The following ALDH3A1 variants were observed in gnomAD, a reference collection of about 807,000 sequenced individuals.
The protein encoded by ALDH3A1 is aldehyde dehydrogenase 3 family member A1.
A neutral mutation model predicts 49.9 loss-of-function variants in ALDH3A1; 46 were observed. The ratio of observed to expected loss-of-function variants is 0.92; its 90% confidence interval spans 0.73 to 1.18. The LOEUF (loss-of-function observed/expected upper bound fraction) is 1.18. Ranked by LOEUF, ALDH3A1 falls within the 50% of genes most tolerant of loss-of-function variation. ALDH3A1 has a pLI of 0.00. For missense variants in ALDH3A1, 592 were observed against 611.8 expected, an observed-to-expected ratio of 0.97 and a Z score of 0.34; for synonymous variants, 269 against 253.3, an observed-to-expected ratio of 1.06 and a Z score of -0.59.
intron 5 of ALDH3A1, among the ~76,000 whole-genome samples, chr17:19,741,523 C>A (rs567656425): frequency 3.9e-5 from 6 of 152,302 alleles, no homozygotes; most frequent in Non-Finnish European, 8.8e-5. Flanking sequence ...TCTCTGGGGC[C>A]ACAGATGTGG....
chr17:19,740,227 C>T (rs1218364581), intron 7 of ALDH3A1, 109 bp downstream of exon 7: 1 of 1,470,232 alleles, frequency 6.8e-7, no homozygotes, highest in Non-Finnish European at 9.2e-7. Flanking sequence ...AATTTATACC[C>T]ATCCCGAGGT....
At chr17:19,746,528 C>T (rs1005122154) in intron 1 of ALDH3A1, among the ~76,000 whole-genome samples, 1 of 151,530 alleles carries the variant, frequency 6.6e-6, no homozygotes, top group African/African-American at 2.4e-5. Flanking sequence ...CAGCGAGACT[C>T]CATCTAAAAA....
At chr17:19,744,002 A>C in intron 2 of ALDH3A1, 1 of 985,298 alleles carries the variant, frequency 1.0e-6, no homozygotes, top group Non-Finnish European at 1.2e-6. Flanking sequence ...CTCTTTTATA[A>C]ACTTGGGCTG....
At chr17:19,745,952 A>G (rs981930476) in intron 1 of ALDH3A1, among the ~76,000 whole-genome samples, 2 of 152,222 alleles carry the variant, frequency 1.3e-5, no homozygotes, top group Admixed American at 1.3e-4. Flanking sequence ...AAGAAAGGAG[A>G]CAGTTTAAAT....
Position 19,739,727 on chromosome 17 carries a change from G to A in ALDH3A1, c.950-53C>T, listed in dbSNP as rs1169214069. ...ACGGCGCAGAGACCCCCACGCGGAT[G>A]GAAAGTGCAAGCACCTAGACCCCTG... On this transcript the variant is annotated intron_variant, in intron 7 of 10. Coordinates refer to ENST00000225740, the MANE Select transcript of ALDH3A1 (RefSeq NM_000691.5). 1.9e-6 allele frequency: 3 copies of A among 1,591,936 alleles called. No homozygotes were observed. In the African/African-American group the frequency reaches 4.0e-5, roughly 21 times the overall value.
rs1435721592 is a variant in ALDH3A1, at chr17:19,743,599, G to A, written c.163-136C>T. 6.9e-7 allele frequency: 1 copy of A among 1,448,650 alleles called. No homozygotes were observed. Among genetic ancestry groups the A allele is most frequent in the Admixed American group, 2.8e-5 (1 of 35,412 alleles). 89.7% of individuals were successfully genotyped at this position (1,448,650 alleles called of 1,614,324 possible). ...CCCAGGGTGGGGGCAGCCGCAGAAG[G>A]CTCCCAGGGGAAGCAGAGCCAGGAT... is the stretch of plus-strand genomic sequence containing the variant. On this transcript the variant is annotated intron_variant, in intron 2 of 10. Coordinates refer to ENST00000225740, the MANE Select transcript of ALDH3A1 (RefSeq NM_000691.5). This position sits in a 1 kb window ranked among gnomAD's most constrained non-coding sequence, Gnocchi z 4.4.
At position 19,741,991 on chromosome 17, in the gene ALDH3A1, C is replaced by T. The variant is rs755108751; in HGVS notation, c.689+13G>A. ...GTAAGGACTGCTGCAGCCAGCAGGCCCGTGCCTCTCACCGGCAGGCCACGT... is the reference window on the plus strand; with the variant it reads ...GTAAGGACTGCTGCAGCCAGCAGGCTCGTGCCTCTCACCGGCAGGCCACGT... On this transcript the variant is annotated intron_variant, in intron 5 of 10. Coordinates refer to ENST00000225740, the MANE Select transcript of ALDH3A1 (RefSeq NM_000691.5). 12 of 1,613,374 alleles carry T rather than the reference C, an allele frequency of 7.4e-6. No homozygotes were observed. In the South Asian group the frequency reaches 1.1e-4, roughly 15 times the overall value.
rs930882593 is a variant in ALDH3A1 at position 19,743,521 on chromosome 17, G to A, written c.163-58C>T. On this transcript the variant is annotated intron_variant, in intron 2 of 10. Transcript: ENST00000225740. This position sits in a 1 kb window ranked among gnomAD's most constrained non-coding sequence, Gnocchi z 4.4. ...GCCAGGGCCCGCCTGCAGCTGGGGC[G>A]AGTGGGGAGCCCCACTGCTCAGCTG... 1.6e-5 allele frequency: 25 copies of A among 1,534,184 alleles called. No individual in the cohort carries two copies. The highest frequency in any genetic ancestry group is 8.2e-5 in the African/African-American group (6 of 72,792).
At chr17:19,740,028 GC>G in intron 7 of ALDH3A1, 1 of 450,898 alleles carries the variant, frequency 2.2e-6, no homozygotes, top group Non-Finnish European at 3.9e-6. Flanking sequence ...GGCACTGGGG[GC>G]CCCTCACGGC....
In ALDH3A1 at chr17:19,743,044, T is replaced by A. The variant is rs771232956; in HGVS notation, c.394+188A>T. On this transcript the variant is annotated intron_variant, in intron 3 of 10. Coordinates refer to ENST00000225740, the MANE Select transcript of ALDH3A1 (RefSeq NM_000691.5). The surrounding 1 kb of genome is among the most constrained non-coding windows in gnomAD (Gnocchi z 4.4). ...CTCTGTATCACCAGGTGTGGACACC[T>A]GAGCCTGACTGGACCTCAGGCACCA... 2.0e-6 allele frequency: 3 copies of A among 1,532,604 alleles called. No homozygotes were observed. Among genetic ancestry groups the A allele is most frequent in the Non-Finnish European group, 2.6e-6 (3 of 1,145,462 alleles). 94.9% of individuals were successfully genotyped at this position (1,532,604 alleles called of 1,614,324 possible).
rs766845006 is a variant in ALDH3A1, at chr17:19,742,671, C to T, written c.395-41G>A. The T allele has an allele frequency of 3.7e-6, 6 of 1,613,318 alleles. No individual in the cohort carries two copies. In the South Asian group the frequency reaches 6.6e-5, roughly 18 times the overall value. The stretch of plus-strand genomic sequence containing the variant: ...AGCCAGGCCTATGCCCAGGGTACTT[C>T]ACCAGAGGCTCTGCCCTCCCAAGGA... On this transcript the variant is annotated intron_variant, in intron 3 of 10. Transcript: ENST00000225740.
chr17:19,742,986 G>GC, intron 3 of ALDH3A1: 1 of 1,529,744 alleles, frequency 6.5e-7, no homozygotes, highest in South Asian at 1.2e-5. Flanking sequence ...AGAAGCTCCA[G>GC]CCCCCCAACA....
At position 19,744,948 on chromosome 17, in the gene ALDH3A1, CG is replaced by C; in HGVS notation, c.162+19del. On this transcript the variant is annotated intron_variant, in intron 2 of 10. Transcript: ENST00000225740. ...GCATGGCCCCGACACTGGCAGAAGG[CG>C]GCCGCCCAGCCTGAGCACCTTGTGC... 1 of 1,291,156 alleles carries C rather than the reference CG, an allele frequency of 7.7e-7. No individual in the cohort carries two copies. Among genetic ancestry groups the C allele is most frequent in the Non-Finnish European group, 1.0e-6 (1 of 1,001,692 alleles). 80.0% of individuals were successfully genotyped at this position (1,291,156 alleles called of 1,614,324 possible). A position where few individuals can be genotyped will look rare whatever the true frequency, so the allele number is the denominator to read the frequency against.
chr17:19,748,265 C>A lies in ALDH3A1; in HGVS notation c.-12G>T, dbSNP rs2086623705. 3.9e-6 allele frequency: 2 copies of A among 507,982 alleles called. No individual in the cohort carries two copies. The highest frequency in any genetic ancestry group is 3.2e-4 in the Middle Eastern group (1 of 3,108). The allele number at this position is 507,982 out of a possible 1,614,324, so 31.5% of individuals were successfully genotyped here. ...ATGCAGGGAAGAGGATTACCTTTGA[C>A]ACAGCCTCTCCCGGTAACTGGGGCT... On this transcript the variant is annotated 5_prime_UTR_variant, in exon 1 of 11. Coordinates refer to ENST00000225740, the MANE Select transcript of ALDH3A1 (RefSeq NM_000691.5). This position sits in a 1 kb window ranked among gnomAD's most constrained non-coding sequence, Gnocchi z 4.4.
chr17:19,744,774 A>G (rs2086566140), intron 2 of ALDH3A1, 194 bp downstream of exon 2: 1 of 1,370,928 alleles, frequency 7.3e-7, no homozygotes, highest in Non-Finnish European at 9.4e-7. Context: ...AAAAGGCCAG[A>G]GGGCGGAAGA....
In ALDH3A1 at chr17:19,743,528, G is replaced by C; in HGVS notation, c.163-65C>G. 1.3e-6 allele frequency: 2 copies of C among 1,527,656 alleles called. No individual in the cohort carries two copies. The highest frequency in any genetic ancestry group is 1.8e-6 in the Non-Finnish European group (2 of 1,137,842). The allele number at this position is 1,527,656 out of a possible 1,614,324, so 94.6% of individuals were successfully genotyped here. On this transcript the variant is annotated intron_variant, in intron 2 of 10. Transcript: ENST00000225740. The surrounding 1 kb of genome is among the most constrained non-coding windows in gnomAD (Gnocchi z 4.4). Reference sequence around the variant, plus strand: ...CCCGCCTGCAGCTGGGGCGAGTGGGGAGCCCCACTGCTCAGCTGCCAGGGT... The same window carrying C: ...CCCGCCTGCAGCTGGGGCGAGTGGGCAGCCCCACTGCTCAGCTGCCAGGGT...
At position 19,738,254 on chromosome 17, in the gene ALDH3A1, G is replaced by A. The variant is rs2086421995; in HGVS notation, c.1348-19C>T. 6.2e-7 allele frequency: 1 copy of A among 1,614,100 alleles called. No homozygotes were observed. Among genetic ancestry groups the A allele is most frequent in the East Asian group, 2.2e-5 (1 of 44,886 alleles). On this transcript the variant is annotated intron_variant, in intron 10 of 10. Transcript: ENST00000225740. ...GGGTCATCTGTGAAAGGGACACGGA[G>A]TGGGCAGTGATCCCCAGGCCCTGGT...
Position 19,740,433 on chromosome 17 carries a change from T to C in ALDH3A1, c.852A>G (p.Arg284=), listed in dbSNP as rs1430495081. ...TCTGGAAGTGCCGGGCACTAATGATTCTTCCATAGTCCCGGGATTTCTTAG... is the reference window on the plus strand; with the variant it reads ...TCTGGAAGTGCCGGGCACTAATGATCCTTCCATAGTCCCGGGATTTCTTAG... ...EDAKKSRDYG[R]IISARHFQRV... is the part of the protein sequence containing the mutation. Residue 284 remains arginine, a synonymous_variant, in exon 7 of 11, where the codon AGA becomes AGG. Transcript: ENST00000225740. The C allele has an allele frequency of 6.2e-7, 1 of 1,614,096 alleles. No homozygotes were observed. Among genetic ancestry groups the C allele is most frequent in the Non-Finnish European group, 8.5e-7 (1 of 1,180,006 alleles).
chr17:19,748,190 G>C lies in ALDH3A1; in HGVS notation c.-6+69C>G, dbSNP rs1371925529. 2.6e-6 allele frequency: 1 copy of C among 382,186 alleles called. No individual in the cohort carries two copies. Among genetic ancestry groups the C allele is most frequent in the African/African-American group, 2.1e-5 (1 of 47,406 alleles). 23.7% of individuals were successfully genotyped at this position (382,186 alleles called of 1,614,324 possible). A position where few individuals can be genotyped will look rare whatever the true frequency, so the allele number is the denominator to read the frequency against. On this transcript the variant is annotated intron_variant, in intron 1 of 10. Transcript: ENST00000225740. This position sits in a 1 kb window ranked among gnomAD's most constrained non-coding sequence, Gnocchi z 4.4. ...ATGATGTAGGACTCTTGACACTTAGGGCCCCGGCTCTGAGTGCAGACTCCA... is the reference window on the plus strand; with the variant it reads ...ATGATGTAGGACTCTTGACACTTAGCGCCCCGGCTCTGAGTGCAGACTCCA...
Sources: allele counts gnomAD v4.1 joint callset (sites outside exome capture counted in the v4.1 genomes callset), GRCh38; gene constraint gnomAD v4.1.1; non-coding constraint Gnocchi (gnomAD v3.1); transcripts MANE v1.5; gene names NCBI Gene and HGNC (gene_info 2026-07-23, HGNC 2026-07-21).